The following PTPRS variants were observed in gnomAD, a reference collection of about 807,000 sequenced individuals.
PTPRS encodes protein tyrosine phosphatase receptor type S.
A neutral mutation model predicts 215.3 loss-of-function variants in PTPRS; 63 were observed. The observed-to-expected ratio is 0.29, with a 90% confidence interval of 0.24 to 0.36. The LOEUF (loss-of-function observed/expected upper bound fraction) is 0.36, where lower values mean the gene tolerates loss of function less well. PTPRS is among the 10% of genes least tolerant of loss of function. PTPRS has a pLI of 1.00. For synonymous variants in PTPRS, 1,404 were observed against 1,191.4 expected, an observed-to-expected ratio of 1.18 and a Z score of -3.68; for missense variants, 2,258 against 2,825.8, an observed-to-expected ratio of 0.80 and a Z score of 4.56.
intron 2 of PTPRS, among the ~76,000 whole-genome samples, chr19:5,282,035 C>A (rs1291159040): frequency 6.6e-6 from 1 of 152,048 alleles, no homozygotes; most frequent in African/African-American, 2.4e-5. Flanking sequence ...GCAGCCTGGG[C>A]GTCCCCAGAA....
chr19:5,304,635 G>A lies in PTPRS; in HGVS notation c.-94-18401C>T, dbSNP rs529854774. On this transcript the variant is annotated intron_variant, in intron 1 of 37. Coordinates refer to ENST00000262963, the MANE Select transcript of PTPRS (RefSeq NM_002850.4). ...CTGCTCTCCTGTCTGGGTGATAGGG[G>A]GAGACTCCGTTTCTAAAAACAAAAA... 7.2e-5 allele frequency among the ~76,000 whole-genome samples: 11 copies of A among 152,182 alleles called. No individual in the cohort carries two copies. The East Asian group carries it at 1.9e-3, about 27-fold the overall frequency.
intron 22 of PTPRS, among the ~76,000 whole-genome samples, 157 bp downstream of exon 22, chr19:5,219,782 C>T (rs1294759228): frequency 3.3e-5 from 5 of 152,182 alleles, no homozygotes; most frequent in South Asian, 2.1e-4. Context: ...AAGAAACCTT[C>T]GTTTCAGGAT....
At chr19:5,229,109 C>G (rs1367538374) in intron 16 of PTPRS, among the ~76,000 whole-genome samples, 1 of 152,228 alleles carries the variant, frequency 6.6e-6, no homozygotes, top group Admixed American at 6.5e-5. Context: ...CCCCCTGGGG[C>G]GCACAGTGGT....
chr19:5,214,494 G>A lies in PTPRS; in HGVS notation c.4495-14C>T, dbSNP rs1280443539. On this transcript the variant is annotated splice_polypyrimidine_tract_variant and intron_variant, in intron 29 of 37. Coordinates refer to ENST00000262963, the MANE Select transcript of PTPRS (RefSeq NM_002850.4). ...ATCACACTTGATCTGTATCGGGCAA[G>A]AGAACAGGTGTCAGCAGGGACAGGC... 1.2e-6 allele frequency: 2 copies of A among 1,613,996 alleles called. No individual in the cohort carries two copies. The highest frequency in any genetic ancestry group is 1.1e-5 in the South Asian group (1 of 91,088).
chr19:5,299,620 C>T (rs947532080), intron 1 of PTPRS, among the ~76,000 whole-genome samples: 2 of 152,204 alleles, frequency 1.3e-5, no homozygotes, highest in Non-Finnish European at 2.9e-5. Context: ...GCCTGTAATC[C>T]TAGCACTTTG....
At chr19:5,288,212 T>C (rs2048526614) in intron 1 of PTPRS, among the ~76,000 whole-genome samples, 1 of 151,958 alleles carries the variant, frequency 6.6e-6, no homozygotes, top group African/African-American at 2.4e-5. Context: ...CCGGTCAAAG[T>C]CACACGCAGA....
chr19:5,208,611 T>G (rs1371431165), intron 35 of PTPRS, among the ~76,000 whole-genome samples: 1 of 151,948 alleles, frequency 6.6e-6, no homozygotes, highest in Non-Finnish European at 1.5e-5. Flanking sequence ...GCCTCCCGAT[T>G]AGCTGGGATT....
rs1373312016 is a variant in PTPRS, at chr19:5,243,941, C to T, written c.1530G>A (p.Gly510=). 3.2e-6 allele frequency: 5 copies of T among 1,576,940 alleles called. No individual in the cohort carries two copies. The highest frequency in any genetic ancestry group is 4.3e-6 in the Non-Finnish European group (5 of 1,166,036). ...TGACCTGGATGGGGTCCGAGAGGGGCCCGTCGCCGACGGAGGTGAAGGCGA... is the reference window on the plus strand; with the variant it reads ...TGACCTGGATGGGGTCCGAGAGGGGTCCGTCGCCGACGGAGGTGAAGGCGA... ...RVLAFTSVGD[G]PLSDPIQVKT... is the part of the protein sequence containing the mutation. Residue 510 remains glycine, a synonymous_variant, in exon 11 of 38, where the codon GGG becomes GGA. Transcript: ENST00000262963.
At chr19:5,234,465 G>C (rs569941601) in intron 13 of PTPRS, among the ~76,000 whole-genome samples, 1 of 152,184 alleles carries the variant, frequency 6.6e-6, no homozygotes, top group Non-Finnish European at 1.5e-5. Context: ...TCTGTGTTCA[G>C]TCCCAACTAT....
intron 4 of PTPRS, among the ~76,000 whole-genome samples, chr19:5,268,207 T>C (rs527274469): frequency 6.6e-6 from 1 of 151,662 alleles, no homozygotes; most frequent in Non-Finnish European, 1.5e-5. Context: ...ATTAATTAAA[T>C]AAAGTTTTAT....
chr19:5,321,387 G>A (rs1252155523), intron 1 of PTPRS, among the ~76,000 whole-genome samples: 2 of 152,232 alleles, frequency 1.3e-5, no homozygotes, highest in Non-Finnish European at 2.9e-5. Flanking sequence ...GATGTCTCCC[G>A]ACCCAGTGAC....
intron 16 of PTPRS, among the ~76,000 whole-genome samples, chr19:5,226,146 C>T (rs997395696): frequency 2.6e-5 from 4 of 152,204 alleles, no homozygotes; most frequent in African/African-American, 9.6e-5. Context: ...AGCCAGAGGG[C>T]GCCTGTGAGC....
chr19:5,271,806 C>T (rs2046936656), intron 4 of PTPRS, among the ~76,000 whole-genome samples: 1 of 151,808 alleles, frequency 6.6e-6, no homozygotes, highest in African/African-American at 2.4e-5. Flanking sequence ...CTCACTGCAA[C>T]CTCCGCCTCT....
Position 5,237,103 on chromosome 19 carries a change from A to G in PTPRS, c.1849+1816T>C, listed in dbSNP as rs1024988631. ...AGAGGGAACGGCCGAGCGCTGAGCT[A>G]CAAGGCCAGACCGAACTCTTGGTGG... On this transcript the variant is annotated intron_variant, in intron 13 of 37. Coordinates refer to ENST00000262963, the MANE Select transcript of PTPRS (RefSeq NM_002850.4). This position sits in a 1 kb window ranked among gnomAD's most constrained non-coding sequence, Gnocchi z 4.2. Among the ~76,000 whole-genome samples the G allele has an allele frequency of 4.6e-5, 7 of 152,208 alleles. No individual in the cohort carries two copies. The highest frequency in any genetic ancestry group is 1.7e-4 in the African/African-American group (7 of 41,456).
chr19:5,207,543 G>A (rs1250485041), intron 37 of PTPRS, among the ~76,000 whole-genome samples: 1 of 152,180 alleles, frequency 6.6e-6, no homozygotes. Context: ...CTGCTGTTCA[G>A]AACCCCCTCC....
At chr19:5,326,057 G>A (rs777408795) in intron 1 of PTPRS, among the ~76,000 whole-genome samples, 18 of 152,058 alleles carry the variant, frequency 1.2e-4, no homozygotes, top group Non-Finnish European at 2.2e-4. Flanking sequence ...ATGGTGAAAC[G>A]CTGTCACTAC....
intron 28 of PTPRS, among the ~76,000 whole-genome samples, chr19:5,214,943 C>A (rs115515460): frequency 0.017 from 2,619 of 152,370 alleles, 76 homozygotes; most frequent in African/African-American, 0.059. Flanking sequence ...ATTCTGGGCA[C>A]TGCAGGGTGC....
chr19:5,240,715 T>G (rs1367335771), intron 11 of PTPRS, among the ~76,000 whole-genome samples: 1 of 150,950 alleles, frequency 6.6e-6, no homozygotes, highest in African/African-American at 2.4e-5. Flanking sequence ...GGCGGGCACC[T>G]GTAGTCCCAG....
intron 1 of PTPRS, among the ~76,000 whole-genome samples, chr19:5,290,173 A>G (rs2146958552): frequency 6.6e-6 from 1 of 152,292 alleles, no homozygotes; most frequent in African/African-American, 2.4e-5. Flanking sequence ...CCTGGCTCTC[A>G]GGGGCTGCAC....
Sources: allele counts gnomAD v4.1 joint callset (sites outside exome capture counted in the v4.1 genomes callset), GRCh38; gene constraint gnomAD v4.1.1; non-coding constraint Gnocchi (gnomAD v3.1); transcripts MANE v1.5; gene names NCBI Gene and HGNC (gene_info 2026-07-23, HGNC 2026-07-21).